The following SCN1A variants were observed in gnomAD, a reference collection of about 807,000 sequenced individuals.
SCN1A encodes sodium voltage-gated channel alpha subunit 1, also known as sodium channel protein type 1 subunit alpha.
In SCN1A, 13 loss-of-function variants were observed where a neutral mutation model predicts 193.7. The observed-to-expected ratio is 0.07, with a 90% confidence interval of 0.04 to 0.11. The LOEUF is 0.11. Among genes scored for constraint, SCN1A ranks in the 10% least tolerant of loss-of-function variants. The pLI is 1.00. For synonymous variants in SCN1A, 781 were observed against 843.6 expected (o/e 0.93, Z 1.29); for missense variants, 1,432 against 2,451.1 (o/e 0.58, Z 8.78).
At chr2:166,019,477 A>G (rs1419444776) in intron 19 of SCN1A, among the ~76,000 whole-genome samples, 1 of 152,172 alleles carries the variant, frequency 6.6e-6, no homozygotes, top group African/African-American at 2.4e-5. Context: ...TTCTTTAACC[A>G]AATTCCTGAT....
chr2:166,089,976 G>A (rs1381718197), intron 2 of SCN1A, among the ~76,000 whole-genome samples: 3 of 146,594 alleles, frequency 2.0e-5, no homozygotes, highest in East Asian at 2.0e-4. Flanking sequence ...CTTTAACTCC[G>A]TAGGTCCTAT....
rs60890420 is a variant in SCN1A at position 166,012,612 on chromosome 2, C to CTTTTTTTTTTT, written c.3706-341_3706-331dup. Among the ~76,000 whole-genome samples the CTTTTTTTTTTT allele has an allele frequency of 4.5e-4, 35 of 77,226 alleles. 2 individuals are homozygous for CTTTTTTTTTTT. The highest frequency in any genetic ancestry group is 6.8e-4 in the African/African-American group (13 of 19,182). The allele number at this position is 77,226 out of a possible 152,430, so 50.7% of individuals were successfully genotyped here. On this transcript the variant is annotated intron_variant, in intron 21 of 28. Transcript: ENST00000674923. The stretch of plus-strand genomic sequence containing the variant: ...CATTTATTTTGCTTCCTTCTATTGG[C>CTTTTTTTTTTT]TTTTTTTTTTTTTTTTTTTTTTTGC...
chr2:166,050,383 C>T (rs992125339), intron 9 of SCN1A, among the ~76,000 whole-genome samples: 2 of 150,628 alleles, frequency 1.3e-5, no homozygotes, highest in African/African-American at 4.9e-5. Flanking sequence ...TGAAAATGAC[C>T]TCAGATATTA....
At chr2:166,059,322 A>T (rs897094847) in intron 4 of SCN1A, 2 of 152,184 alleles carry the variant, frequency 1.3e-5, no homozygotes, top group African/African-American at 4.8e-5. Flanking sequence ...TAAATTCTGT[A>T]CTGGGATTTC....
intron 16 of SCN1A, among the ~76,000 whole-genome samples, chr2:166,040,716 A>T (rs1531379): frequency 1.3e-5 from 2 of 151,468 alleles, no homozygotes; most frequent in South Asian, 4.1e-4. Context: ...TTGTAATCAT[A>T]TAACACACAA....
At chr2:166,111,554 G>A (rs35684982) in intron 2 of SCN1A, among the ~76,000 whole-genome samples, 11,988 of 152,056 alleles carry the variant, frequency 0.079, 550 homozygotes, top group Middle Eastern at 0.21. Context: ...AGCACAACAC[G>A]CACTCTGCAG....
rs904226939 is a variant in SCN1A, at chr2:166,036,135, A to T, written c.3342T>A (p.Thr1114=). 1.2e-6 allele frequency: 2 copies of T among 1,613,932 alleles called. No homozygotes were observed. Among genetic ancestry groups the T allele is most frequent in the Non-Finnish European group, 1.7e-6 (2 of 1,179,962 alleles). ...CAGATTCTCCTACAGCAATTGGTAC[A>T]GTCACAGTAAGACTGGGGTTGTTTA... ...SFINNPSLTV[T]VPIAVGESDF... is the part of the protein sequence containing the mutation. Residue 1114 remains threonine (T), a synonymous_variant, in exon 19 of 29, where the codon ACT becomes ACA. Coordinates refer to ENST00000674923, the MANE Select transcript of SCN1A (RefSeq NM_001165963.4).
In SCN1A at chr2:165,989,790, AAAAAT is replaced by A. The variant is rs1210683123; in HGVS notation, c.*1450_*1454del. 7.2e-5 allele frequency: 11 copies of A among 152,734 alleles called. No homozygotes were observed. Among genetic ancestry groups the A allele is most frequent in the Admixed American group, 3.9e-4 (6 of 15,288 alleles). 9.5% of individuals were successfully genotyped at this position (152,734 alleles called of 1,614,324 possible). A position where few individuals can be genotyped will look rare whatever the true frequency, so the allele number is the denominator to read the frequency against. ...CTTCATATTTATGTACATAATGCTGAAAAATAAAATAAAGTGACTTTTTACAGTAT... is the reference window on the plus strand; with the variant it reads ...CTTCATATTTATGTACATAATGCTGAAAAATAAAGTGACTTTTTACAGTAT... On this transcript the variant is annotated 3_prime_UTR_variant, in exon 29 of 29. Transcript: ENST00000674923.
chr2:166,125,945 A>G (rs1691203584), intron 2 of SCN1A, among the ~76,000 whole-genome samples: 1 of 152,242 alleles, frequency 6.6e-6, no homozygotes, highest in African/African-American at 2.4e-5. Context: ...TGTTACCAGT[A>G]TGAACACTCT....
chr2:166,060,075 C>T (rs1683129803), intron 4 of SCN1A: 1 of 152,046 alleles, frequency 6.6e-6, no homozygotes, highest in African/African-American at 2.4e-5. Flanking sequence ...TTGTTGTGGG[C>T]CTGTTTTTCA....
At chr2:166,108,622 G>C (rs1688954958) in intron 2 of SCN1A, among the ~76,000 whole-genome samples, 1 of 152,106 alleles carries the variant, frequency 6.6e-6, no homozygotes, top group African/African-American at 2.4e-5. Flanking sequence ...AGTATGATTG[G>C]TCAATTAAAA....
chr2:165,999,253 T>C (rs116359893), intron 25 of SCN1A: 136 of 155,936 alleles, frequency 8.7e-4, no homozygotes, highest in Non-Finnish European at 1.2e-3. Flanking sequence ...CATTCTTTTA[T>C]ATGGTTTAAA....
intron 6 of SCN1A, among the ~76,000 whole-genome samples, chr2:166,055,477 C>G (rs1471088080): frequency 6.6e-6 from 1 of 151,824 alleles, no homozygotes; most frequent in African/African-American, 2.4e-5. Flanking sequence ...TTATTATTTT[C>G]TTCAAGATGT....
chr2:166,093,184 G>A (rs1364329543), intron 2 of SCN1A, among the ~76,000 whole-genome samples: 6 of 151,654 alleles, frequency 4.0e-5, no homozygotes, highest in East Asian at 3.9e-4. Context: ...AGAGGATATC[G>A]GCCAAAGCAG....
At position 166,097,604 on chromosome 2, in the gene SCN1A, T is replaced by G. The variant is rs927857006; in HGVS notation, c.-141-19803A>C. Among the ~76,000 whole-genome samples the G allele has an allele frequency of 3.3e-5, 5 of 151,300 alleles. No individual in the cohort carries two copies. The East Asian group carries it at 7.9e-4, about 24-fold the overall frequency. ...GTACTTGTATTCAATTAAAAAAAAA[T>G]AGGGTCTTGCCCTGTCACCCAGGCT... On this transcript the variant is annotated intron_variant, in intron 2 of 28. Transcript: ENST00000674923.
intron 19 of SCN1A, among the ~76,000 whole-genome samples, chr2:166,023,328 C>T (rs1574101876): frequency 6.6e-6 from 1 of 152,212 alleles, no homozygotes; most frequent in Admixed American, 6.5e-5. Flanking sequence ...TTTTTTCACC[C>T]TTCTCCTGGC....
chr2:166,118,824 G>A (rs546600977), intron 2 of SCN1A, among the ~76,000 whole-genome samples: 42 of 152,010 alleles, frequency 2.8e-4, no homozygotes, highest in Non-Finnish European at 4.1e-4. Context: ...TCTGAGATCC[G>A]GTTTCTCATC....
intron 9 of SCN1A, among the ~76,000 whole-genome samples, chr2:166,050,467 T>C (rs919577330): frequency 1.3e-5 from 2 of 150,830 alleles, no homozygotes; most frequent in African/African-American, 2.4e-5. Context: ...ATAACCCTCA[T>C]AGTCAGTATT....
At chr2:166,065,266 C>T (rs13396882) in intron 4 of SCN1A, among the ~76,000 whole-genome samples, 30,919 of 152,058 alleles carry the variant, frequency 0.2, 3,417 homozygotes, top group East Asian at 0.36. Flanking sequence ...AAGCTGCTGG[C>T]TTGGAAAGAG....
Sources: gnomAD v4.1 joint callset for allele counts (sites outside exome capture counted in the v4.1 genomes callset) on GRCh38, gnomAD v4.1.1 for gene constraint, MANE v1.5 for transcripts, NCBI Gene and HGNC (gene_info 2026-07-23, HGNC 2026-07-21) for gene names.